The following KLHDC8A variants were observed in gnomAD, a reference collection of about 807,000 sequenced individuals.
KLHDC8A encodes the protein kelch domain-containing protein 8A.
KLHDC8A carries 21 observed loss-of-function variants against 33.1 expected under a neutral mutation model. That is an observed-to-expected ratio of 0.64 (90% CI 0.45 to 0.91). The LOEUF (loss-of-function observed/expected upper bound fraction) is 0.91. Among genes scored for constraint, KLHDC8A ranks in the 40% least tolerant of loss-of-function variants. The pLI, the probability that KLHDC8A is intolerant of heterozygous loss-of-function variation, is 0.00. For synonymous variants in KLHDC8A, 173 were observed against 193.5 expected (o/e 0.89, Z 0.88); for missense variants, 435 against 483.3 (o/e 0.90, Z 0.94).
intron 1 of KLHDC8A, among the ~76,000 whole-genome samples, chr1:205,353,378 T>C (rs1427255092): frequency 1.3e-5 from 2 of 152,194 alleles, no homozygotes; most frequent in African/African-American, 4.8e-5. Context: ...GCTTTCCCAC[T>C]ACAACAGCAG....
chr1:205,346,692 C>G (rs1249032950), intron 1 of KLHDC8A, among the ~76,000 whole-genome samples: 2 of 152,204 alleles, frequency 1.3e-5, no homozygotes, highest in Non-Finnish European at 1.5e-5. Context: ...GCAGGCCGTT[C>G]AGAGTGGGTC....
chr1:205,338,828 C>A (rs1282194434), intron 4 of KLHDC8A, among the ~76,000 whole-genome samples: 1 of 152,132 alleles, frequency 6.6e-6, no homozygotes, highest in Non-Finnish European at 1.5e-5. Context: ...AATGAATCAC[C>A]TTGACTTCTG....
At chr1:205,354,521 G>A (rs1235263012) in intron 1 of KLHDC8A, among the ~76,000 whole-genome samples, 1 of 152,244 alleles carries the variant, frequency 6.6e-6, no homozygotes, top group African/African-American at 2.4e-5. Context: ...AGATGTCTTG[G>A]GAGCCTAAAA....
In KLHDC8A at chr1:205,343,336, T is replaced by C; in HGVS notation, c.269A>G (p.Asn90Ser). 2.5e-6 allele frequency: 4 copies of C among 1,613,704 alleles called. No individual in the cohort carries two copies. The highest frequency in any genetic ancestry group is 3.4e-6 in the Non-Finnish European group (4 of 1,179,934). The change falls in exon 2 of 6, where the codon AAT (asparagine) becomes AGT (serine). Residue 90 changes from asparagine to serine, a missense_variant. Transcript: ENST00000367155. ...RIMVIGGVGTNQLPLKVVEMY... is the reference protein window; with the variant it reads ...RIMVIGGVGTSQLPLKVVEMY... ...CTCCACGACCTTCAGGGGCAGCTGATTGGTGCCCACGCCCCCAATCACCAT... is the reference window on the plus strand; with the variant it reads ...CTCCACGACCTTCAGGGGCAGCTGACTGGTGCCCACGCCCCCAATCACCAT...
In KLHDC8A at chr1:205,339,838, C is replaced by T; in HGVS notation, c.377-30G>A. The stretch of plus-strand genomic sequence containing the variant: ...GAAGAAAGGCCATACATGCCCCTGG[C>T]TTAGCTCACAGGTACAGCAAGACAG... On this transcript the variant is annotated intron_variant, in intron 2 of 5. Coordinates refer to ENST00000367155, the MANE Select transcript of KLHDC8A (RefSeq NM_018203.3). The surrounding 1 kb of genome is among the most constrained non-coding windows in gnomAD (Gnocchi z 5.1). 6.2e-7 allele frequency: 1 copy of T among 1,605,242 alleles called. No homozygotes were observed. The highest frequency in any genetic ancestry group is 8.5e-7 in the Non-Finnish European group (1 of 1,175,000).
At position 205,356,849 on chromosome 1, in the gene KLHDC8A, A is replaced by C. The variant is rs565031541; in HGVS notation, c.-506T>G. The C allele has an allele frequency of 3.8e-6, 1 of 264,698 alleles. No homozygotes were observed. The highest frequency in any genetic ancestry group is 2.2e-5 in the African/African-American group (1 of 44,470). The allele number at this position is 264,698 out of a possible 1,614,324, so 16.4% of individuals were successfully genotyped here. ...GTGACCCCCCTACTGAGAGGGCCTC[A>C]GCCAGCTCGTCAGAGCCCCAGTGTC... On this transcript the variant is annotated 5_prime_UTR_variant, in exon 1 of 6. Transcript: ENST00000367155.
Position 205,356,830 on chromosome 1 carries a change from C to G in KLHDC8A, c.-487G>C, listed in dbSNP as rs956738739. The G allele has an allele frequency of 3.5e-6, 1 of 287,382 alleles. No homozygotes were observed. The highest frequency in any genetic ancestry group is 2.2e-5 in the African/African-American group (1 of 44,926). The allele number at this position is 287,382 out of a possible 1,614,324, so 17.8% of individuals were successfully genotyped here. Reference sequence around the variant, plus strand: ...TCCCTGAGTTCCAGGAGGCGTGACCCCCCTACTGAGAGGGCCTCAGCCAGC... The same window carrying G: ...TCCCTGAGTTCCAGGAGGCGTGACCGCCCTACTGAGAGGGCCTCAGCCAGC... On this transcript the variant is annotated 5_prime_UTR_variant, in exon 1 of 6. Coordinates refer to ENST00000367155, the MANE Select transcript of KLHDC8A (RefSeq NM_018203.3).
chr1:205,339,697 G>T lies in KLHDC8A; in HGVS notation c.488C>A (p.Thr163Asn). 1 of 1,614,210 alleles carries T rather than the reference G, an allele frequency of 6.2e-7. No homozygotes were observed. The highest frequency in any genetic ancestry group is 8.5e-7 in the Non-Finnish European group (1 of 1,180,022). ...GAAGGAGGTGGCAGCATATCTCGGG[G>T]TGGGCATGGGTGCTAGGGACACCCA... ...DMWVSLAPMP[T>N]PRYAATSFLR... Residue 163 changes from threonine (T) to asparagine (N), a missense_variant, in exon 3 of 6, where the codon ACC becomes AAC. Physicochemically the swap from Thr to Asn is moderately conservative, Grantham distance 65. Coordinates refer to ENST00000367155, the MANE Select transcript of KLHDC8A (RefSeq NM_018203.3). The surrounding 1 kb of genome is among the most constrained non-coding windows in gnomAD (Gnocchi z 5.1).
At chr1:205,349,528 A>G (rs1000916816) in intron 1 of KLHDC8A, among the ~76,000 whole-genome samples, 8 of 152,192 alleles carry the variant, frequency 5.3e-5, no homozygotes, top group Non-Finnish European at 1.5e-5. Flanking sequence ...CAGGAGTTGC[A>G]CAATGTAGAG....
intron 1 of KLHDC8A, among the ~76,000 whole-genome samples, chr1:205,354,864 C>T (rs1288887366): frequency 6.6e-6 from 1 of 152,230 alleles, no homozygotes; most frequent in Non-Finnish European, 1.5e-5. Flanking sequence ...TGATAATTTA[C>T]GTAAGTCTCT....
chr1:205,339,501 T>C lies in KLHDC8A; in HGVS notation c.542-92A>G. ...GGTTTCCCCTTTTGACAGTTACTCA[T>C]TCATACAGGAAGCTCCCGGTGGGCT... is the stretch of plus-strand genomic sequence containing the variant. On this transcript the variant is annotated intron_variant, in intron 3 of 5. Coordinates refer to ENST00000367155, the MANE Select transcript of KLHDC8A (RefSeq NM_018203.3). The surrounding 1 kb of genome is among the most constrained non-coding windows in gnomAD (Gnocchi z 5.1). 7.0e-7 allele frequency: 1 copy of C among 1,432,430 alleles called. No individual in the cohort carries two copies. The highest frequency in any genetic ancestry group is 1.2e-5 in the South Asian group (1 of 80,892). The allele number at this position is 1,432,430 out of a possible 1,614,324, so 88.7% of individuals were successfully genotyped here. A position where few individuals can be genotyped will look rare whatever the true frequency, so the allele number is the denominator to read the frequency against.
chr1:205,348,779 A>G (rs1663015292), intron 1 of KLHDC8A, among the ~76,000 whole-genome samples: 1 of 152,136 alleles, frequency 6.6e-6, no homozygotes, highest in South Asian at 2.1e-4. Flanking sequence ...CAGTTTCACA[A>G]GATAGGCAGC....
chr1:205,346,629 T>C (rs1254351555), intron 1 of KLHDC8A, among the ~76,000 whole-genome samples: 1 of 152,232 alleles, frequency 6.6e-6, no homozygotes, highest in Non-Finnish European at 1.5e-5. Flanking sequence ...ATCCACTTTT[T>C]GCAGTTGAGG....
At chr1:205,341,674 G>A (rs1199070489) in intron 2 of KLHDC8A, among the ~76,000 whole-genome samples, 2 of 151,162 alleles carry the variant, frequency 1.3e-5, no homozygotes, top group African/African-American at 4.9e-5. Context: ...TTTTTGATAC[G>A]GAGTCTTGCT....
In KLHDC8A at chr1:205,339,840, T is replaced by C; in HGVS notation, c.377-32A>G. The C allele has an allele frequency of 6.2e-7, 1 of 1,604,332 alleles. No individual in the cohort carries two copies. Among genetic ancestry groups the C allele is most frequent in the Non-Finnish European group, 8.5e-7 (1 of 1,174,458 alleles). On this transcript the variant is annotated intron_variant, in intron 2 of 5. Coordinates refer to ENST00000367155, the MANE Select transcript of KLHDC8A (RefSeq NM_018203.3). This position sits in a 1 kb window ranked among gnomAD's most constrained non-coding sequence, Gnocchi z 5.1. ...AGAAAGGCCATACATGCCCCTGGCTTAGCTCACAGGTACAGCAAGACAGGC... is the reference window on the plus strand; with the variant it reads ...AGAAAGGCCATACATGCCCCTGGCTCAGCTCACAGGTACAGCAAGACAGGC...
chr1:205,342,667 A>C (rs773369466), intron 2 of KLHDC8A, among the ~76,000 whole-genome samples: 1 of 152,182 alleles, frequency 6.6e-6, no homozygotes, highest in African/African-American at 2.4e-5. Flanking sequence ...CCTAATTCCC[A>C]TTGAACCATC....
intron 1 of KLHDC8A, chr1:205,351,392 C>A: frequency 1.2e-6 from 1 of 854,428 alleles, no homozygotes; most frequent in Non-Finnish European, 2.1e-6. Flanking sequence ...GTGGAAATGG[C>A]GACTAGTGGA....
chr1:205,347,034 C>T (rs1331396263), intron 1 of KLHDC8A, among the ~76,000 whole-genome samples: 3 of 152,208 alleles, frequency 2.0e-5, no homozygotes, highest in African/African-American at 2.4e-5. Context: ...GTACTAACAA[C>T]AGGATGTCTT....
At chr1:205,351,537 A>C in intron 1 of KLHDC8A, 1 of 672,660 alleles carries the variant, frequency 1.5e-6, no homozygotes, top group Non-Finnish European at 2.8e-6. Flanking sequence ...TTTTACTATG[A>C]TGTAAAAATT....
Sources: allele counts gnomAD v4.1 joint callset (sites outside exome capture counted in the v4.1 genomes callset), GRCh38; gene constraint gnomAD v4.1.1; non-coding constraint Gnocchi (gnomAD v3.1); transcripts MANE v1.5; gene names NCBI Gene and HGNC (gene_info 2026-07-23, HGNC 2026-07-21).